The following KCNIP4 variants were observed in gnomAD, a reference collection of about 807,000 sequenced individuals.
KCNIP4 encodes the protein potassium voltage-gated channel interacting protein 4.
A neutral mutation model predicts 34.0 loss-of-function variants in KCNIP4; 12 were observed. The observed-to-expected ratio is 0.35, with a 90% CI of 0.23 to 0.57. KCNIP4 has a LOEUF of 0.57. KCNIP4 is among the 20% of genes least tolerant of loss of function. The pLI, the probability that KCNIP4 is intolerant of heterozygous loss-of-function variation, is 0.83. For synonymous variants in KCNIP4, 124 were observed against 102.2 expected, an observed-to-expected ratio of 1.21 and a Z score of -1.29; for missense variants, 238 against 311.7, an observed-to-expected ratio of 0.76 and a Z score of 1.78.
intron 1 of KCNIP4, among the ~76,000 whole-genome samples, chr4:21,255,156 C>G (rs758937623): frequency 6.6e-6 from 1 of 151,996 alleles, no homozygotes; most frequent in Non-Finnish European, 1.5e-5. Flanking sequence ...TAGAGGGAGA[C>G]GAGGCCCTAC....
chr4:20,836,125 T>A (rs1719012740), intron 3 of KCNIP4, among the ~76,000 whole-genome samples: 1 of 152,222 alleles, frequency 6.6e-6, no homozygotes, highest in African/African-American at 2.4e-5. Flanking sequence ...AATCCTTTAA[T>A]GATTTTGCCC....
chr4:21,446,479 C>G (rs1728002299), intron 1 of KCNIP4, among the ~76,000 whole-genome samples: 1 of 151,930 alleles, frequency 6.6e-6, no homozygotes, highest in Non-Finnish European at 1.5e-5. Context: ...TTTGTAGGGA[C>G]ATGGATGAAG....
intron 1 of KCNIP4, among the ~76,000 whole-genome samples, chr4:21,568,067 A>G (rs1560522979): frequency 6.6e-6 from 1 of 152,148 alleles, no homozygotes; most frequent in Admixed American, 6.5e-5. Context: ...AGTGTGCAAC[A>G]ATATTGCCCT....
chr4:21,088,140 A>C (rs6448011), intron 1 of KCNIP4, among the ~76,000 whole-genome samples: 51,853 of 151,856 alleles, frequency 0.34, 10,506 homozygotes, highest in African/African-American at 0.58. Flanking sequence ...AAGACTCTCA[A>C]CCAAGAAATT....
chr4:20,882,562 A>C (rs766388896), intron 2 of KCNIP4, 46 bp downstream of exon 2: 1 of 1,399,820 alleles, frequency 7.1e-7, no homozygotes, highest in Admixed American at 1.7e-5. Flanking sequence ...TAAAGAAACG[A>C]AACAAGAGTT....
chr4:21,778,785 T>C (rs2323107), intron 1 of KCNIP4, among the ~76,000 whole-genome samples: 2,503 of 152,184 alleles, frequency 0.016, 65 homozygotes, highest in African/African-American at 0.056. Flanking sequence ...AATAATAACA[T>C]CAACTAAATT....
intron 1 of KCNIP4, among the ~76,000 whole-genome samples, chr4:21,371,516 T>C (rs546365421): frequency 2.0e-5 from 3 of 147,070 alleles, no homozygotes; most frequent in South Asian, 4.2e-4. Context: ...TGATCCCTAA[T>C]TTCTTGCTAT....
intron 1 of KCNIP4, among the ~76,000 whole-genome samples, chr4:21,571,489 C>T (rs1167755469): frequency 6.6e-6 from 1 of 152,128 alleles, no homozygotes; most frequent in Non-Finnish European, 1.5e-5. Flanking sequence ...ATCTTACACA[C>T]AAAAATGCAA....
chr4:21,708,195 C>T (rs1503978), intron 1 of KCNIP4, among the ~76,000 whole-genome samples: 101,748 of 151,922 alleles, frequency 0.67, 35,407 homozygotes, highest in African/African-American at 0.84. Context: ...TAAAATACTA[C>T]CCTACAATTA....
At chr4:21,895,240 T>A (rs1727319446) in intron 1 of KCNIP4, among the ~76,000 whole-genome samples, 1 of 152,222 alleles carries the variant, frequency 6.6e-6, no homozygotes, top group Admixed American at 6.5e-5. Flanking sequence ...TCTAGAAAGA[T>A]GAGCTTACTT....
chr4:21,890,703 C>A (rs2109401075), intron 1 of KCNIP4, among the ~76,000 whole-genome samples: 1 of 152,188 alleles, frequency 6.6e-6, no homozygotes, highest in African/African-American at 2.4e-5. Context: ...ATTATTTAAT[C>A]TAATGGAAAT....
chr4:21,327,063 A>T (rs916023533), intron 1 of KCNIP4, among the ~76,000 whole-genome samples: 2 of 152,070 alleles, frequency 1.3e-5, no homozygotes, highest in African/African-American at 4.8e-5. Flanking sequence ...TTTACTCAAT[A>T]TATGAGTAGT....
chr4:21,762,903 T>A, intron 1 of KCNIP4: 1 of 1,285,360 alleles, frequency 7.8e-7, no homozygotes, highest in East Asian at 5.6e-5. Context: ...GTGGATGGAA[T>A]TGGAGGGAAG....
chr4:21,315,433 A>T (rs1281853310), intron 1 of KCNIP4: 5 of 152,226 alleles, frequency 3.3e-5, no homozygotes, highest in African/African-American at 9.7e-5. Flanking sequence ...TATACAACGC[A>T]TGTGTTAATC....
intron 1 of KCNIP4, among the ~76,000 whole-genome samples, chr4:21,391,734 C>T (rs369761889): frequency 2.0e-5 from 3 of 152,164 alleles, no homozygotes; most frequent in Admixed American, 6.6e-5. Flanking sequence ...ACTGATTCTA[C>T]GGGCAGCTCA....
At chr4:21,629,930 A>G (rs2109200990) in intron 1 of KCNIP4, among the ~76,000 whole-genome samples, 1 of 132,450 alleles carries the variant, frequency 7.6e-6, no homozygotes, top group East Asian at 2.2e-4. Flanking sequence ...GGCTCACTGT[A>G]GGCTTAACCT....
intron 1 of KCNIP4, among the ~76,000 whole-genome samples, chr4:21,528,770 A>G (rs1265415451): frequency 2.2e-4 from 3 of 13,602 alleles, no homozygotes; most frequent in African/African-American, 9.0e-4. Context: ...AAAGAAAGAA[A>G]GAAAGAAAGG....
intron 1 of KCNIP4, among the ~76,000 whole-genome samples, chr4:21,495,095 G>C (rs1466041393): frequency 1.3e-5 from 2 of 152,110 alleles, no homozygotes; most frequent in Admixed American, 1.3e-4. Flanking sequence ...TCAGTTTATT[G>C]ACTCTGAACT....
At chr4:21,472,851 T>A (rs1692240956) in intron 1 of KCNIP4, among the ~76,000 whole-genome samples, 1 of 152,110 alleles carries the variant, frequency 6.6e-6, no homozygotes, top group Non-Finnish European at 1.5e-5. Flanking sequence ...ATTCTAAGAT[T>A]ATTATGAAGA....
Sources: gnomAD v4.1 joint callset for allele counts (sites outside exome capture counted in the v4.1 genomes callset) on GRCh38, gnomAD v4.1.1 for gene constraint, MANE v1.5 for transcripts, NCBI Gene and HGNC (gene_info 2026-07-23, HGNC 2026-07-21) for gene names.